ARHGAP35: variants seen among roughly 807,000 people sequenced by gnomAD.
ARHGAP35 encodes the protein Rho GTPase activating protein 35.
Under a neutral mutation model 111.1 loss-of-function variants are expected in ARHGAP35, and 15 were observed. The observed-to-expected ratio is 0.13, with a 90% confidence interval of 0.09 to 0.21. The LOEUF (loss-of-function observed/expected upper bound fraction) is 0.21. Among genes scored for constraint, ARHGAP35 ranks in the 10% least tolerant of loss-of-function variants. The pLI, the probability that ARHGAP35 is intolerant of heterozygous loss-of-function variation, is 1.00. For synonymous variants in ARHGAP35, 643 were observed against 710.3 expected (o/e 0.91, Z 1.51); for missense variants, 1,262 against 1,873.0 (o/e 0.67, Z 6.02).
rs185603216 is a variant in ARHGAP35 at position 46,887,416 on chromosome 19, C to T, written c.-189+26207C>T. Among the ~76,000 whole-genome samples, 419 of 152,262 alleles carry T rather than the reference C, an allele frequency of 2.8e-3. 2 individuals are homozygous for T. The highest frequency in any genetic ancestry group is 9.6e-3 in the African/African-American group (398 of 41,540). ...GCTAATTTCTTAGTTTTGACAAATA[C>T]ACCATGGTTATGTGAACATTAGGGG... On this transcript the variant is annotated intron_variant, in intron 1 of 6. Coordinates refer to ENST00000672722, the MANE Select transcript of ARHGAP35 (RefSeq NM_004491.5).
At chr19:46,882,847 G>T (rs1241545223) in intron 1 of ARHGAP35, among the ~76,000 whole-genome samples, 1 of 152,100 alleles carries the variant, frequency 6.6e-6, no homozygotes, top group Non-Finnish European at 1.5e-5. Flanking sequence ...CTTTTTTATG[G>T]CTGCAGGCTG....
chr19:46,921,223 C>T lies in ARHGAP35; in HGVS notation c.2548C>T (p.Arg850Trp). The change falls in exon 2 of 7, where the codon CGG becomes TGG. Residue 850 changes from arginine (R) to tryptophan (W), a missense_variant. By Grantham distance (101) the Arg-to-Trp change is moderately radical. Transcript: ENST00000672722. The surrounding 1 kb of genome is among the most constrained non-coding windows in gnomAD (Gnocchi z 4.3). ...YHSSFSIRKS[R>W]LVHGYIVFYS... Reference sequence around the variant, plus strand: ...TTCCTCCTTTAGCATCAGAAAGAGCCGGTTGGTTCATGGGTACATTGTTTT... The same window carrying T: ...TTCCTCCTTTAGCATCAGAAAGAGCTGGTTGGTTCATGGGTACATTGTTTT... The T allele has an allele frequency of 2.5e-6, 4 of 1,613,936 alleles. No individual in the cohort carries two copies. Among genetic ancestry groups the T allele is most frequent in the South Asian group, 2.2e-5 (2 of 91,076 alleles).
chr19:46,931,138 C>A (rs2122216240), intron 2 of ARHGAP35, among the ~76,000 whole-genome samples: 1 of 152,254 alleles, frequency 6.6e-6, no homozygotes, highest in East Asian at 1.9e-4. Context: ...CTAGTGTGAG[C>A]AGCACAGTGT....
Position 46,937,501 on chromosome 19 carries a change from G to T in ARHGAP35, c.3826+93G>T, listed in dbSNP as rs982005527. 3.6e-6 allele frequency: 5 copies of T among 1,400,982 alleles called. No individual in the cohort carries two copies. In the African/African-American group the frequency reaches 7.1e-5, roughly 20 times the overall value. 86.8% of individuals were successfully genotyped at this position (1,400,982 alleles called of 1,614,324 possible). ...CCATCTGGAGATTCTGGAATCAGTT[G>T]TTGTTGATTGTGAGATGCTCTTGGA... is the stretch of plus-strand genomic sequence containing the variant. On this transcript the variant is annotated intron_variant, in intron 3 of 6. Coordinates refer to ENST00000672722, the MANE Select transcript of ARHGAP35 (RefSeq NM_004491.5).
At chr19:46,958,715 C>T (rs775957781) in intron 3 of ARHGAP35, among the ~76,000 whole-genome samples, 16 of 152,202 alleles carry the variant, frequency 1.1e-4, no homozygotes, top group Non-Finnish European at 1.8e-4. Context: ...TCAGGAGTCC[C>T]TGAACCAGTT....
intron 3 of ARHGAP35, among the ~76,000 whole-genome samples, chr19:46,970,485 T>C (rs111666): frequency 0.63 from 96,375 of 151,912 alleles, 31,248 homozygotes; most frequent in Middle Eastern, 0.81. Context: ...AAGTCTGAAC[T>C]CCTCAACATT....
chr19:46,937,462 A>G lies in ARHGAP35; in HGVS notation c.3826+54A>G, dbSNP rs2056316253. ...AACTTTCACTGTCTACAGGATGCTT[A>G]CTGGAGGGTCAAGCCATCTGGAGAT... On this transcript the variant is annotated intron_variant, in intron 3 of 6. Coordinates refer to ENST00000672722, the MANE Select transcript of ARHGAP35 (RefSeq NM_004491.5). The G allele has an allele frequency of 3.8e-6, 6 of 1,588,502 alleles. No homozygotes were observed. In the East Asian group the frequency reaches 1.1e-4, roughly 30 times the overall value.
At chr19:46,978,572 ATG>A (rs1339355532) in intron 3 of ARHGAP35, among the ~76,000 whole-genome samples, 3 of 28,786 alleles carry the variant, frequency 1.0e-4, no homozygotes, top group African/African-American at 1.4e-4. Flanking sequence ...GTGTGGTGGG[ATG>A]TGTGTGTGGT....
intron 1 of ARHGAP35, among the ~76,000 whole-genome samples, chr19:46,891,616 G>A (rs1278445816): frequency 2.0e-5 from 3 of 151,834 alleles, no homozygotes; most frequent in South Asian, 2.1e-4. Context: ...CAGTAGAGAC[G>A]GAGTTTCACC....
At position 46,870,854 on chromosome 19, in the gene ARHGAP35, A is replaced by G. The variant is rs557055309; in HGVS notation, c.-189+9645A>G. Among the ~76,000 whole-genome samples the G allele has an allele frequency of 5.3e-5, 8 of 152,314 alleles. No individual in the cohort carries two copies. In the South Asian group the frequency reaches 1.7e-3, roughly 32 times the overall value. ...CTTTTAAGTTTTTTCTTAAAAAAAAATAAGGTATAATCTACATGTAGAAAA... is the reference window on the plus strand; with the variant it reads ...CTTTTAAGTTTTTTCTTAAAAAAAAGTAAGGTATAATCTACATGTAGAAAA... On this transcript the variant is annotated intron_variant, in intron 1 of 6. Coordinates refer to ENST00000672722, the MANE Select transcript of ARHGAP35 (RefSeq NM_004491.5).
intron 1 of ARHGAP35, among the ~76,000 whole-genome samples, chr19:46,872,305 A>G (rs941195520): frequency 2.6e-5 from 4 of 152,144 alleles, no homozygotes; most frequent in Non-Finnish European, 4.4e-5. Context: ...AATATGCTGA[A>G]GTGTTATTAG....
rs8103985 is a variant in ARHGAP35, at chr19:46,875,757, G to A, written c.-189+14548G>A. Among the ~76,000 whole-genome samples the A allele has an allele frequency of 2.8e-3, 429 of 152,218 alleles. 4 individuals are homozygous for A. Among genetic ancestry groups the A allele is most frequent in the African/African-American group, 9.8e-3 (408 of 41,492 alleles). On this transcript the variant is annotated intron_variant, in intron 1 of 6. Transcript: ENST00000672722. ...AGGTAATTAAAATGTTCAGGTAAGC[G>A]AGCATGTGAGGGTGCTGCAAAGGCG...
At chr19:46,924,814 G>A (rs1261352488) in intron 2 of ARHGAP35, among the ~76,000 whole-genome samples, 2 of 152,178 alleles carry the variant, frequency 1.3e-5, no homozygotes, top group Non-Finnish European at 2.9e-5. Context: ...AATTAGGAAG[G>A]TGGCATAATA....
intron 3 of ARHGAP35, among the ~76,000 whole-genome samples, chr19:46,965,861 G>A (rs2056512463): frequency 6.6e-6 from 1 of 152,158 alleles, no homozygotes; most frequent in South Asian, 2.1e-4. Context: ...GCCTCACAAT[G>A]TTTAGTTTTT....
At chr19:46,872,468 T>C (rs1018838970) in intron 1 of ARHGAP35, among the ~76,000 whole-genome samples, 12 of 152,092 alleles carry the variant, frequency 7.9e-5, no homozygotes, top group African/African-American at 2.9e-4. Context: ...GTTTGGTTTT[T>C]CTTATAAACA....
rs1402100450 is a variant in ARHGAP35, at chr19:46,922,291, C to T, written c.3616C>T (p.Pro1206Ser). 6.2e-7 allele frequency: 1 copy of T among 1,613,706 alleles called. No homozygotes were observed. Among genetic ancestry groups the T allele is most frequent in the Non-Finnish European group, 8.5e-7 (1 of 1,179,796 alleles). Reference sequence around the variant, plus strand: ...TTATAAAGGGGACAATGCTGTCATTCCATACGAAACAGACGAAGACCCGCG... The same window carrying T: ...TTATAAAGGGGACAATGCTGTCATTTCATACGAAACAGACGAAGACCCGCG... The part of the protein sequence containing the change: ...QGYKGDNAVI[P>S]YETDEDPRRR... Residue 1206 changes from proline (P) to serine (S), a missense_variant, in exon 2 of 7, where the codon CCA becomes TCA. Transcript: ENST00000672722. This position sits in a 1 kb window ranked among gnomAD's most constrained non-coding sequence, Gnocchi z 4.0.
chr19:46,969,758 C>T (rs1463618076), intron 3 of ARHGAP35, among the ~76,000 whole-genome samples: 1 of 152,204 alleles, frequency 6.6e-6, no homozygotes, highest in Non-Finnish European at 1.5e-5. Context: ...AGGAGATCTA[C>T]TCATGCCATT....
rs1385725308 is a variant in ARHGAP35 at position 46,986,334 on chromosome 19, T to C, written c.3827-1655T>C. Among the ~76,000 whole-genome samples, 1 of 152,206 alleles carries C rather than the reference T, an allele frequency of 6.6e-6. No individual in the cohort carries two copies. The highest frequency in any genetic ancestry group is 1.5e-5 in the Non-Finnish European group (1 of 68,034). On this transcript the variant is annotated intron_variant, in intron 3 of 6. Transcript: ENST00000672722. The surrounding 1 kb of genome is among the most constrained non-coding windows in gnomAD (Gnocchi z 4.3). ...TGGGGAGGGAGTGGGAGCCCATCCT[T>C]CCCTTGATATTTTATTCTAACTTAC...
At chr19:46,980,776 A>T (rs1299111264) in intron 3 of ARHGAP35, among the ~76,000 whole-genome samples, 1 of 152,186 alleles carries the variant, frequency 6.6e-6, no homozygotes, top group Non-Finnish European at 1.5e-5. Flanking sequence ...ATTCGAACCC[A>T]TGTCTCCCTG....
Sources: allele counts gnomAD v4.1 joint callset (sites outside exome capture counted in the v4.1 genomes callset), GRCh38; gene constraint gnomAD v4.1.1; non-coding constraint Gnocchi (gnomAD v3.1); transcripts MANE v1.5; gene names NCBI Gene and HGNC (gene_info 2026-07-23, HGNC 2026-07-21).